PRDM10: variants seen among roughly 807,000 people sequenced by gnomAD.
PRDM10 encodes the protein PR/SET domain 10, also known as PR domain zinc finger protein 10.
PRDM10 carries 65 observed loss-of-function variants against 133.1 expected under a neutral mutation model. The ratio of observed to expected loss-of-function variants is 0.49; its 90% confidence interval spans 0.40 to 0.60. The LOEUF is 0.60. Among genes scored for constraint, PRDM10 ranks in the 20% least tolerant of loss-of-function variants. The pLI, the probability that PRDM10 is intolerant of heterozygous loss-of-function variation, is 0.00. For synonymous variants in PRDM10, 582 were observed against 580.4 expected, an observed-to-expected ratio of 1.00 and a Z score of -0.04; for missense variants, 1,137 against 1,507.1, an observed-to-expected ratio of 0.75 and a Z score of 4.07.
Position 129,901,173 on chromosome 11 carries a change from G to C in PRDM10, c.*1140C>G, listed in dbSNP as rs1949834247. The C allele has an allele frequency of 6.6e-6, 1 of 152,520 alleles. No homozygotes were observed. The highest frequency in any genetic ancestry group is 2.4e-5 in the African/African-American group (1 of 41,408). The allele number at this position is 152,520 out of a possible 1,614,324, so 9.4% of individuals were successfully genotyped here. Reference sequence around the variant, plus strand: ...ATAACTACCTGAATTATTAGAAGTGGCCATCACATTTTAATTTTTTCCCTA... The same window carrying C: ...ATAACTACCTGAATTATTAGAAGTGCCCATCACATTTTAATTTTTTCCCTA... On this transcript the variant is annotated 3_prime_UTR_variant, in exon 21 of 21. Transcript: ENST00000360871.
intron 1 of PRDM10, among the ~76,000 whole-genome samples, chr11:130,000,042 ATTTT>A (rs955648260): frequency 8.7e-4 from 121 of 138,624 alleles, no homozygotes; most frequent in African/African-American, 3.1e-3. Context: ...TCGCTTCTAA[ATTTT>A]TTTTTTTTTT....
At chr11:129,909,649 G>A (rs1311543827) in intron 19 of PRDM10, among the ~76,000 whole-genome samples, 1 of 152,076 alleles carries the variant, frequency 6.6e-6, no homozygotes, top group East Asian at 1.9e-4. Flanking sequence ...TACTACTGAG[G>A]TCTGTTAAAG....
Position 129,944,570 on chromosome 11 carries a change from G to A in PRDM10, c.762+201C>T, listed in dbSNP as rs545369549. ...ACTGCACTCCAGCCTGGGCGACAGA[G>A]CAAGACTCCGTCTCAAAAAAAAAAA... is the stretch of plus-strand genomic sequence containing the variant. On this transcript the variant is annotated intron_variant, in intron 6 of 20. Coordinates refer to ENST00000360871, the MANE Select transcript of PRDM10 (RefSeq NM_199437.2). Among the ~76,000 whole-genome samples, 496 of 144,220 alleles carry A rather than the reference G, an allele frequency of 3.4e-3. 2 individuals are homozygous for A. The highest frequency in any genetic ancestry group is 0.012 in the African/African-American group (459 of 37,894). The allele number at this position is 144,220 out of a possible 152,430, so 94.6% of individuals were successfully genotyped here.
chr11:129,988,193 G>A (rs943209874), intron 1 of PRDM10, among the ~76,000 whole-genome samples: 2 of 152,156 alleles, frequency 1.3e-5, no homozygotes, highest in Admixed American at 6.6e-5. Context: ...AACAGTGGTT[G>A]CCTAGGGATT....
At chr11:129,927,898 G>A (rs1034549364) in intron 11 of PRDM10, among the ~76,000 whole-genome samples, 5 of 148,066 alleles carry the variant, frequency 3.4e-5, no homozygotes, top group African/African-American at 1.3e-4. Context: ...AAATGTCGGA[G>A]AGAGCGCACA....
intron 1 of PRDM10, among the ~76,000 whole-genome samples, chr11:129,964,372 G>T (rs2135932690): frequency 6.6e-6 from 1 of 152,202 alleles, no homozygotes; most frequent in African/African-American, 2.4e-5. Flanking sequence ...AATTCAAAAG[G>T]CACAAAAAGG....
At chr11:129,908,893 A>AT (rs1463894532) in intron 19 of PRDM10, among the ~76,000 whole-genome samples, 2 of 151,354 alleles carry the variant, frequency 1.3e-5, no homozygotes, top group African/African-American at 2.4e-5. Flanking sequence ...GACGTGGCTA[A>AT]TTTTTTTTGT....
At chr11:129,983,060 T>C (rs1938202277) in intron 1 of PRDM10, among the ~76,000 whole-genome samples, 1 of 152,030 alleles carries the variant, frequency 6.6e-6, no homozygotes, top group South Asian at 2.1e-4. Context: ...CACTGCAACC[T>C]CCGCCCCCCA....
intron 1 of PRDM10, among the ~76,000 whole-genome samples, chr11:129,972,937 C>A (rs1205822832): frequency 1.3e-5 from 2 of 152,138 alleles, no homozygotes; most frequent in African/African-American, 2.4e-5. Context: ...AAAACCCAGG[C>A]CTTTGAAGGT....
chr11:129,915,509 C>A, intron 16 of PRDM10, 151 bp downstream of exon 16: 2 of 873,678 alleles, frequency 2.3e-6, no homozygotes, highest in Admixed American at 6.3e-5. Context: ...CTGCTGTGCT[C>A]TCTGTTTACA....
At chr11:129,946,424 C>A (rs1313483658) in intron 5 of PRDM10, among the ~76,000 whole-genome samples, 2 of 152,178 alleles carry the variant, frequency 1.3e-5, no homozygotes, top group African/African-American at 4.8e-5. Context: ...CCAGGAGAAA[C>A]AGGATGAAAC....
intron 19 of PRDM10, among the ~76,000 whole-genome samples, chr11:129,907,293 C>T (rs1395338651): frequency 4.6e-5 from 7 of 152,170 alleles, no homozygotes; most frequent in Admixed American, 6.5e-5. Flanking sequence ...ACAAATGACC[C>T]GGTTTCCTCA....
intron 1 of PRDM10, among the ~76,000 whole-genome samples, chr11:129,988,548 A>G (rs868544659): frequency 6.6e-6 from 1 of 151,534 alleles, no homozygotes; most frequent in African/African-American, 2.4e-5. Context: ...TATACATCTT[A>G]AATAAGTGAA....
At chr11:129,993,283 T>C (rs1161240637) in intron 1 of PRDM10, among the ~76,000 whole-genome samples, 5 of 152,242 alleles carry the variant, frequency 3.3e-5, no homozygotes, top group African/African-American at 1.2e-4. Flanking sequence ...TTAGTGCCTG[T>C]AGCATCTTGT....
intron 1 of PRDM10, among the ~76,000 whole-genome samples, chr11:129,984,053 G>C (rs1477795652): frequency 6.6e-6 from 1 of 152,138 alleles, no homozygotes; most frequent in Non-Finnish European, 1.5e-5. Context: ...TCTCCAAAAA[G>C]GACTACTCCT....
At chr11:129,920,763 C>G (rs1950501331) in intron 13 of PRDM10, among the ~76,000 whole-genome samples, 1 of 151,926 alleles carries the variant, frequency 6.6e-6, no homozygotes, top group Admixed American at 6.6e-5. Flanking sequence ...GTCACCATAT[C>G]TATGAGGTCT....
intron 1 of PRDM10, among the ~76,000 whole-genome samples, chr11:129,974,823 C>T (rs538391298): frequency 3.3e-5 from 5 of 152,148 alleles, no homozygotes; most frequent in South Asian, 2.1e-4. Context: ...GTACATACAG[C>T]GGAATATTAT....
At chr11:129,908,931 T>C (rs527726538) in intron 19 of PRDM10, among the ~76,000 whole-genome samples, 2 of 151,658 alleles carry the variant, frequency 1.3e-5, no homozygotes, top group South Asian at 4.2e-4. Flanking sequence ...GGTTTCACCA[T>C]GTTGGCCAGG....
At chr11:129,939,028 T>C (rs577832680) in intron 7 of PRDM10, among the ~76,000 whole-genome samples, 108 of 152,192 alleles carry the variant, frequency 7.1e-4, no homozygotes, top group Non-Finnish European at 1.1e-3. Flanking sequence ...CCCCATTCCA[T>C]AGTTCTCAGC....
Sources: gnomAD v4.1 joint callset for allele counts (sites outside exome capture counted in the v4.1 genomes callset) on GRCh38, gnomAD v4.1.1 for gene constraint, MANE v1.5 for transcripts, NCBI Gene and HGNC (gene_info 2026-07-23, HGNC 2026-07-21) for gene names.